COQ7: variants seen among roughly 807,000 people sequenced by gnomAD.
COQ7 encodes the protein NADPH-dependent 3-demethoxyubiquinone 3-hydroxylase, mitochondrial.
In COQ7, 21 loss-of-function variants were observed where a neutral mutation model predicts 25.0. The ratio of observed to expected loss-of-function variants is 0.84; its 90% CI spans 0.60 to 1.21. COQ7 has a LOEUF of 1.21. COQ7 is among the 50% of genes most tolerant of loss of function. The pLI, the probability that COQ7 is intolerant of heterozygous loss-of-function variation, is 0.00. For missense variants in COQ7, 311 were observed against 296.2 expected (o/e 1.05, Z -0.37); for synonymous variants, 125 against 112.4 (o/e 1.11, Z -0.71).
chr16:19,074,910 T>G (rs1413986273), intron 3 of COQ7, among the ~76,000 whole-genome samples: 1 of 152,132 alleles, frequency 6.6e-6, no homozygotes, highest in Non-Finnish European at 1.5e-5. Context: ...GCTAGTAGAA[T>G]TCAGTTGCAG....
Position 19,078,670 on chromosome 16 carries a change from C to G in COQ7, c.*512C>G, listed in dbSNP as rs892812172. ...AGTCTCACTATGTCGCCAGGCTGGTCTCTAACTCCTGGGCTCAGTGATCCT... is the reference window on the plus strand; with the variant it reads ...AGTCTCACTATGTCGCCAGGCTGGTGTCTAACTCCTGGGCTCAGTGATCCT... On this transcript the variant is annotated 3_prime_UTR_variant, in exon 6 of 6. Transcript: ENST00000321998. 6.6e-6 allele frequency: 1 copy of G among 151,940 alleles called. No homozygotes were observed. The highest frequency in any genetic ancestry group is 1.5e-5 in the Non-Finnish European group (1 of 68,030). The allele number at this position is 151,940 out of a possible 1,614,324, so 9.4% of individuals were successfully genotyped here. A position where few individuals can be genotyped will look rare whatever the true frequency, so the allele number is the denominator to read the frequency against.
downstream of COQ7, among the ~76,000 whole-genome samples, chr16:19,082,776 A>AT (rs1963117814): frequency 6.6e-6 from 1 of 150,790 alleles, no homozygotes; most frequent in African/African-American, 2.4e-5. Context: ...AAAAAAAAAA[A>AT]AATAGTTAAA....
At position 19,080,015 on chromosome 16, in the gene COQ7, CGTT is replaced by C. The variant is rs1257143244; in HGVS notation, c.*1859_*1861del. 6.6e-6 allele frequency: 1 copy of C among 152,164 alleles called. No individual in the cohort carries two copies. Among genetic ancestry groups the C allele is most frequent in the Non-Finnish European group, 1.5e-5 (1 of 68,052 alleles). The allele number at this position is 152,164 out of a possible 1,614,324, so 9.4% of individuals were successfully genotyped here. A position where few individuals can be genotyped will look rare whatever the true frequency, so the allele number is the denominator to read the frequency against. ...ACAAAATAAATGCTGTGTGTGAACACGTTGATTAAATTCAAAAGGGTATTATTT... is the reference window on the plus strand; with the variant it reads ...ACAAAATAAATGCTGTGTGTGAACACGATTAAATTCAAAAGGGTATTATTT... On this transcript the variant is annotated 3_prime_UTR_variant, in exon 6 of 6. Coordinates refer to ENST00000321998, the MANE Select transcript of COQ7 (RefSeq NM_016138.5).
At chr16:19,073,152 A>G (rs1378009237) in intron 2 of COQ7, among the ~76,000 whole-genome samples, 1 of 152,144 alleles carries the variant, frequency 6.6e-6, no homozygotes, top group East Asian at 1.9e-4. Context: ...CTAAAAATAC[A>G]AAACAAATCA....
chr16:19,077,610 A>T (rs1962927861), intron 5 of COQ7, among the ~76,000 whole-genome samples: 1 of 4,656 alleles, frequency 2.1e-4, no homozygotes, highest in South Asian at 0.024. Context: ...TTTTTCCCAG[A>T]CACAGTCTCA....
rs1963025164 is a variant in COQ7 at position 19,079,390 on chromosome 16, TA to T, written c.*1233del. On this transcript the variant is annotated 3_prime_UTR_variant, in exon 6 of 6. Transcript: ENST00000321998. ...TTACAACCTTTTCCTTAAGGTCTTT[TA>T]CCACCTCCCCCCCAAAAAAATCCCC... The T allele has an allele frequency of 6.6e-6, 1 of 152,106 alleles. No homozygotes were observed. Among genetic ancestry groups the T allele is most frequent in the Non-Finnish European group, 1.5e-5 (1 of 68,006 alleles). 9.4% of individuals were successfully genotyped at this position (152,106 alleles called of 1,614,324 possible). A position where few individuals can be genotyped will look rare whatever the true frequency, so the allele number is the denominator to read the frequency against.
intron 2 of COQ7, 85 bp downstream of exon 2, chr16:19,072,191 G>A (rs990912788): frequency 6.6e-7 from 1 of 1,525,112 alleles, no homozygotes; most frequent in South Asian, 1.2e-5. Flanking sequence ...GGGAGGTCAA[G>A]CGTTCCCTAG....
rs1962303832 is a variant in COQ7 at position 19,067,793 on chromosome 16, T to C, written c.73+56T>C. ...GCCGGTCTAGCGAGCTAGGGAATTT[T>C]CGCTTGAGGTTTGGGTCGAAGAGGT... On this transcript the variant is annotated intron_variant, in intron 1 of 5. Transcript: ENST00000321998. The C allele has an allele frequency of 3.2e-6, 5 of 1,574,188 alleles. No homozygotes were observed. In the East Asian group the frequency reaches 1.1e-4, roughly 36 times the overall value.
At position 19,078,810 on chromosome 16, in the gene COQ7, G is replaced by A. The variant is rs1962994434; in HGVS notation, c.*652G>A. The A allele has an allele frequency of 6.6e-6, 1 of 152,038 alleles. No homozygotes were observed. The highest frequency in any genetic ancestry group is 2.1e-4 in the South Asian group (1 of 4,832). The allele number at this position is 152,038 out of a possible 1,614,324, so 9.4% of individuals were successfully genotyped here. A position where few individuals can be genotyped will look rare whatever the true frequency, so the allele number is the denominator to read the frequency against. On this transcript the variant is annotated 3_prime_UTR_variant, in exon 6 of 6. Coordinates refer to ENST00000321998, the MANE Select transcript of COQ7 (RefSeq NM_016138.5). ...AATAATGTAACAGGAATCTTTAGGAGAAAAAACAATTTGGTTTACTGATAA... is the reference window on the plus strand; with the variant it reads ...AATAATGTAACAGGAATCTTTAGGAAAAAAAACAATTTGGTTTACTGATAA...
At chr16:19,069,094 C>T (rs1269920228) in intron 1 of COQ7, among the ~76,000 whole-genome samples, 1 of 152,058 alleles carries the variant, frequency 6.6e-6, no homozygotes, top group Non-Finnish European at 1.5e-5. Flanking sequence ...TATCCATAAG[C>T]CACTTAATAT....
At chr16:19,074,350 C>A (rs1962723397) in intron 3 of COQ7, among the ~76,000 whole-genome samples, 1 of 151,738 alleles carries the variant, frequency 6.6e-6, no homozygotes, top group African/African-American at 2.4e-5. Context: ...ATGGTGAAAC[C>A]CCCGACTCTA....
At chr16:19,082,760 C>G (rs62025559), downstream of COQ7, among the ~76,000 whole-genome samples, 35 of 47,188 alleles carry the variant, frequency 7.4e-4, no homozygotes, top group African/African-American at 1.2e-3. Context: ...GAGTGAGACT[C>G]TGTCTAAAAA....
At chr16:19,073,645 T>C (rs1300540901) in intron 2 of COQ7, among the ~76,000 whole-genome samples, 1 of 152,202 alleles carries the variant, frequency 6.6e-6, no homozygotes, top group African/African-American at 2.4e-5. Flanking sequence ...ACTGGGCACA[T>C]TGTGGGCCTG....
At position 19,078,253 on chromosome 16, in the gene COQ7, T is replaced by G; in HGVS notation, c.*95T>G. 1 of 868,860 alleles carries G rather than the reference T, an allele frequency of 1.2e-6. No homozygotes were observed. The highest frequency in any genetic ancestry group is 1.7e-6 in the Non-Finnish European group (1 of 587,716). 53.8% of individuals were successfully genotyped at this position (868,860 alleles called of 1,614,324 possible). A position where few individuals can be genotyped will look rare whatever the true frequency, so the allele number is the denominator to read the frequency against. On this transcript the variant is annotated 3_prime_UTR_variant, in exon 6 of 6. Transcript: ENST00000321998. The stretch of plus-strand genomic sequence containing the variant: ...GTGTACAGTTATCGTTGTACTTTTG[T>G]ACAATGTGAATTTTGTTAATAAATT...
chr16:19,074,278 C>T (rs1338303454), intron 3 of COQ7, among the ~76,000 whole-genome samples: 1 of 151,862 alleles, frequency 6.6e-6, no homozygotes, highest in Non-Finnish European at 1.5e-5. Context: ...GTAATCCCAG[C>T]ACTTTGGGAG....
downstream of COQ7, among the ~76,000 whole-genome samples, chr16:19,082,351 C>T (rs1963112652): frequency 6.6e-6 from 1 of 152,072 alleles, no homozygotes. Flanking sequence ...TAAAATGGGG[C>T]CAGGCACAGT....
chr16:19,072,362 C>A, intron 2 of COQ7: 1 of 476,936 alleles, frequency 2.1e-6, no homozygotes, highest in Non-Finnish European at 3.8e-6. Context: ...CGGGGGCAGG[C>A]AGTAATGAAA....
At chr16:19,073,136 T>A (rs1962648244) in intron 2 of COQ7, among the ~76,000 whole-genome samples, 3 of 151,982 alleles carry the variant, frequency 2.0e-5, no homozygotes, top group Non-Finnish European at 4.4e-5. Context: ...CAAAACCCTG[T>A]CTCTACTAAA....
rs370802219 is a variant in COQ7 at position 19,067,677 on chromosome 16, G to A, written c.13G>A (p.Gly5Arg). Residue 5 changes from glycine to arginine, a missense_variant, in exon 1 of 6, where the codon GGG becomes AGG. Transcript: ENST00000321998. Reference protein sequence around the residue: MSCAGAAAAPRLWRL... With the variant: MSCARAAAAPRLWRL... ...TTTAGTTCCGGCAATGAGTTGCGCC[G>A]GGGCGGCGGCGGCTCCCCGCCTTTG... 4 of 1,612,202 alleles carry A rather than the reference G, an allele frequency of 2.5e-6. No individual in the cohort carries two copies. Among genetic ancestry groups the A allele is most frequent in the Non-Finnish European group, 3.4e-6 (4 of 1,179,266 alleles).
Sources: allele counts gnomAD v4.1 joint callset (sites outside exome capture counted in the v4.1 genomes callset), GRCh38; gene constraint gnomAD v4.1.1; transcripts MANE v1.5; gene names NCBI Gene and HGNC (gene_info 2026-07-23, HGNC 2026-07-21).